The following KIF6 variants were observed in gnomAD, a reference collection of about 807,000 sequenced individuals.
The protein encoded by KIF6 is kinesin-like protein KIF6.
Under a neutral mutation model 112.7 loss-of-function variants are expected in KIF6, and 106 were observed. That is an observed-to-expected ratio of 0.94 (90% CI 0.80 to 1.11). The LOEUF is 1.11. Ranked by LOEUF, KIF6 falls within the 50% of genes least tolerant of loss-of-function variation. KIF6 has a pLI of 0.00. For missense variants in KIF6, 929 were observed against 964.0 expected (o/e 0.96, Z 0.48); for synonymous variants, 339 against 339.9 (o/e 1.00, Z 0.03).
chr6:39,541,947 T>C (rs1778813013), intron 12 of KIF6, among the ~76,000 whole-genome samples: 1 of 152,126 alleles, frequency 6.6e-6, no homozygotes, highest in African/African-American at 2.4e-5. Context: ...GATGAAGAAT[T>C]ATCCAGCCAC....
chr6:39,559,653 T>TA (rs941415460), intron 10 of KIF6, among the ~76,000 whole-genome samples: 3 of 152,264 alleles, frequency 2.0e-5, no homozygotes, highest in Admixed American at 6.5e-5. Context: ...AGACAGGGAA[T>TA]AAAAAATCAA....
intron 3 of KIF6, among the ~76,000 whole-genome samples, chr6:39,711,202 A>G (rs1465760396): frequency 1.3e-5 from 2 of 150,326 alleles, no homozygotes; most frequent in African/African-American, 4.9e-5. Flanking sequence ...TGAAAAAAAA[A>G]TCCTTACCTA....
intron 4 of KIF6, among the ~76,000 whole-genome samples, chr6:39,637,159 A>G (rs528294154): frequency 3.9e-5 from 6 of 152,192 alleles, no homozygotes; most frequent in African/African-American, 1.4e-4. Context: ...TTGTATGTTT[A>G]TCTGCAGTGG....
At chr6:39,362,391 G>T in intron 17 of KIF6, 43 bp downstream of exon 17, 1 of 1,473,588 alleles carries the variant, frequency 6.8e-7, no homozygotes, top group Non-Finnish European at 9.5e-7. Flanking sequence ...CTGAGACCCT[G>T]GGAGGCTGGG....
intron 5 of KIF6, among the ~76,000 whole-genome samples, chr6:39,633,829 A>G (rs553904692): frequency 6.6e-5 from 10 of 152,298 alleles, no homozygotes; most frequent in African/African-American, 2.4e-4. Context: ...CCTCAGTTAT[A>G]TAACAGTTGT....
rs572041300 is a variant in KIF6 at position 39,420,561 on chromosome 6, G to A, written c.1755-558C>T. On this transcript the variant is annotated intron_variant, in intron 14 of 22. Transcript: ENST00000287152. ...GAGTCGACTAGATGTGACAGAGACT[G>A]CGTGGCCTACAGGGCTGAAAATATT... 7.9e-5 allele frequency among the ~76,000 whole-genome samples: 12 copies of A among 152,330 alleles called. 2 individuals carry two copies. The South Asian group carries it at 2.3e-3, about 29-fold the overall frequency.
At chr6:39,356,195 T>C (rs996493721) in intron 19 of KIF6, among the ~76,000 whole-genome samples, 6 of 152,114 alleles carry the variant, frequency 3.9e-5, no homozygotes, top group Non-Finnish European at 5.9e-5. Flanking sequence ...ACTGATGTTA[T>C]GGGTTTCTGA....
In KIF6 at chr6:39,620,005, A is replaced by G. The variant is rs73732165; in HGVS notation, c.510-6687T>C. ...AATGGCGCCCAAATCTACTGTATTG[A>G]AACATGGTTTATCATACACTTATCT... On this transcript the variant is annotated intron_variant, in intron 5 of 22. Coordinates refer to ENST00000287152, the MANE Select transcript of KIF6 (RefSeq NM_145027.6). Among the ~76,000 whole-genome samples the G allele has an allele frequency of 4.1e-3, 632 of 152,312 alleles. 4 individuals carry two copies. The highest frequency in any genetic ancestry group is 0.014 in the African/African-American group (578 of 41,570).
intron 13 of KIF6, among the ~76,000 whole-genome samples, chr6:39,469,742 T>G (rs538060809): frequency 2.6e-4 from 40 of 152,246 alleles, no homozygotes; most frequent in African/African-American, 9.6e-4. Flanking sequence ...AAAGCATCAA[T>G]CAATCCATCA....
intron 13 of KIF6, among the ~76,000 whole-genome samples, chr6:39,493,986 G>A (rs1466411854): frequency 6.6e-6 from 1 of 152,122 alleles, no homozygotes; most frequent in Non-Finnish European, 1.5e-5. Context: ...CCTACAGGAG[G>A]AATATTCTCC....
rs561681856 is a variant in KIF6 at position 39,717,363 on chromosome 6, G to A, written c.177-2597C>T. Among the ~76,000 whole-genome samples the A allele has an allele frequency of 3.9e-5, 6 of 152,110 alleles. No individual in the cohort carries two copies. The South Asian group carries it at 6.2e-4, about 16-fold the overall frequency. ...TCACTTTTTCTCAAACATGCCGGGC[G>A]TTCTCCCCATTAGGGATTTCACTCT... On this transcript the variant is annotated intron_variant, in intron 2 of 22. Coordinates refer to ENST00000287152, the MANE Select transcript of KIF6 (RefSeq NM_145027.6).
chr6:39,667,274 C>T (rs1164553911), intron 3 of KIF6, among the ~76,000 whole-genome samples: 1 of 121,496 alleles, frequency 8.2e-6, no homozygotes, highest in African/African-American at 3.2e-5. Context: ...CTAAAAGCCT[C>T]AGGATGGGGT....
chr6:39,528,971 T>C (rs999457762), intron 13 of KIF6, among the ~76,000 whole-genome samples: 1 of 152,178 alleles, frequency 6.6e-6, no homozygotes, highest in Non-Finnish European at 1.5e-5. Flanking sequence ...AATAGACTCA[T>C]CGACCAATGG....
intron 13 of KIF6, among the ~76,000 whole-genome samples, chr6:39,434,975 A>G (rs146095603): frequency 0.025 from 3,878 of 152,312 alleles, 165 homozygotes; most frequent in African/African-American, 0.088. Context: ...GCTTTCTTAT[A>G]TATTATTTCA....
chr6:39,723,080 A>G (rs191312035), intron 1 of KIF6, among the ~76,000 whole-genome samples: 2 of 152,326 alleles, frequency 1.3e-5, no homozygotes, highest in African/African-American at 4.8e-5. Flanking sequence ...GTTTAAGCTA[A>G]GAATCTGGGG....
chr6:39,679,419 C>T (rs925899337), intron 3 of KIF6, among the ~76,000 whole-genome samples: 8 of 151,976 alleles, frequency 5.3e-5, no homozygotes, highest in Admixed American at 2.0e-4. Flanking sequence ...GCAAGGAAGA[C>T]GGAAGAAAAG....
chr6:39,681,528 T>C (rs1409154132), intron 3 of KIF6, among the ~76,000 whole-genome samples: 2 of 152,162 alleles, frequency 1.3e-5, no homozygotes, highest in Non-Finnish European at 2.9e-5. Context: ...TGCCTTTTAA[T>C]TTTTTTCTCT....
chr6:39,579,071 T>C (rs1781141471), intron 9 of KIF6, among the ~76,000 whole-genome samples: 1 of 152,232 alleles, frequency 6.6e-6, no homozygotes, highest in Non-Finnish European at 1.5e-5. Flanking sequence ...TGAGCACGTA[T>C]GTAAGAGTTT....
chr6:39,585,015 T>G lies in KIF6; in HGVS notation c.991-31A>C, dbSNP rs375293419. 8 of 1,199,480 alleles carry G rather than the reference T, an allele frequency of 6.7e-6. No homozygotes were observed. In the African/African-American group the frequency reaches 9.0e-5, roughly 13 times the overall value. The allele number at this position is 1,199,480 out of a possible 1,614,324, so 74.3% of individuals were successfully genotyped here. ...AAAGCAAAGTAACTTCTTAAAATAT[T>G]ATGGCATAGAGAGATATTTCTTTCT... is the stretch of plus-strand genomic sequence containing the variant. On this transcript the variant is annotated intron_variant, in intron 8 of 22. Coordinates refer to ENST00000287152, the MANE Select transcript of KIF6 (RefSeq NM_145027.6).
Sources: gnomAD v4.1 joint callset for allele counts (sites outside exome capture counted in the v4.1 genomes callset) on GRCh38, gnomAD v4.1.1 for gene constraint, MANE v1.5 for transcripts, NCBI Gene and HGNC (gene_info 2026-07-23, HGNC 2026-07-21) for gene names.